EQTN: variants seen among roughly 807,000 people sequenced by gnomAD.
EQTN encodes the protein Acrosome formation associated factor.
In EQTN, 29 loss-of-function variants were observed where a neutral mutation model predicts 26.9. That is an observed-to-expected ratio of 1.08 (90% CI 0.80 to 1.47). The LOEUF (loss-of-function observed/expected upper bound fraction) is 1.47, where lower values mean the gene tolerates loss of function less well. EQTN is among the 40% of genes most tolerant of loss of function. The pLI is 0.00. For missense variants in EQTN, 391 were observed against 346.1 expected (o/e 1.13, Z -1.03); for synonymous variants, 129 against 120.0 (o/e 1.07, Z -0.49).
intron 4 of EQTN, among the ~76,000 whole-genome samples, chr9:27,291,463 C>G (rs527433118): frequency 4.2e-4 from 64 of 152,324 alleles, no homozygotes; most frequent in African/African-American, 1.5e-3. Context: ...CTCATTCCAG[C>G]CGTGAGCAAA....
intron 7 of EQTN, among the ~76,000 whole-genome samples, chr9:27,285,972 C>G (rs117732296): frequency 1.9e-4 from 29 of 152,302 alleles, no homozygotes; most frequent in Non-Finnish European, 3.1e-4. Flanking sequence ...TTCGCTTTAT[C>G]CTTTCCAATT....
At chr9:27,289,833 A>C in intron 5 of EQTN, 102 bp from the exon 6 acceptor site, 1 of 864,530 alleles carries the variant, frequency 1.2e-6, no homozygotes, top group Non-Finnish European at 1.8e-6. Flanking sequence ...GTGTGTGTAC[A>C]GTCTGTTCTC....
At chr9:27,286,081 G>T in intron 7 of EQTN, 128 bp downstream of exon 7, 2 of 942,602 alleles carry the variant, frequency 2.1e-6, no homozygotes, top group East Asian at 2.6e-5. Flanking sequence ...TAGGGTAAAT[G>T]GAATCAATTT....
intron 3 of EQTN, among the ~76,000 whole-genome samples, chr9:27,292,984 TA>T (rs1344113960): frequency 5.9e-5 from 9 of 152,196 alleles, no homozygotes; most frequent in African/African-American, 1.9e-4. Flanking sequence ...TAATTTAGTA[TA>T]TATCTCAGTC....
rs748267115 is a variant in EQTN, at chr9:27,292,381, C to T, written c.376+20G>A. On this transcript the variant is annotated intron_variant, in intron 4 of 7. Transcript: ENST00000380032. ...TAATGATATTCTCCAGGTATGAATACAGTGTAGTAATTTAAATACTTTGAA... is the reference window on the plus strand; with the variant it reads ...TAATGATATTCTCCAGGTATGAATATAGTGTAGTAATTTAAATACTTTGAA... 1.7e-5 allele frequency: 25 copies of T among 1,474,942 alleles called. No homozygotes were observed. The highest frequency in any genetic ancestry group is 3.5e-4 in the Middle Eastern group (2 of 5,758). The allele number at this position is 1,474,942 out of a possible 1,614,324, so 91.4% of individuals were successfully genotyped here. A position where few individuals can be genotyped will look rare whatever the true frequency, so the allele number is the denominator to read the frequency against.
intron 4 of EQTN, among the ~76,000 whole-genome samples, chr9:27,291,782 G>A (rs1820239625): frequency 6.6e-6 from 1 of 152,116 alleles, no homozygotes; most frequent in Non-Finnish European, 1.5e-5. Context: ...AAACATACTT[G>A]GATTGCATAA....
chr9:27,286,428 T>A, intron 6 of EQTN, 66 bp from the exon 7 acceptor site: 1 of 1,484,706 alleles, frequency 6.7e-7, no homozygotes, highest in Non-Finnish European at 9.1e-7. Context: ...GAGTAAAGAT[T>A]GCAAAGCAAA....
chr9:27,291,193 C>T (rs574222207), intron 4 of EQTN, 130 bp from the exon 5 acceptor site: 20 of 725,420 alleles, frequency 2.8e-5, no homozygotes, highest in Non-Finnish European at 4.3e-5. Flanking sequence ...ATGTGTCAGA[C>T]CTGTGGTTGG....
chr9:27,295,800 C>G (rs377129969), intron 2 of EQTN, among the ~76,000 whole-genome samples: 22 of 132,934 alleles, frequency 1.7e-4, no homozygotes, highest in East Asian at 1.1e-3. Context: ...CCACTGCACT[C>G]CAGCCTGGGC....
intron 3 of EQTN, among the ~76,000 whole-genome samples, chr9:27,292,809 G>T (rs905666828): frequency 1.3e-5 from 2 of 152,196 alleles, no homozygotes; most frequent in Non-Finnish European, 2.9e-5. Context: ...GCTCCAGATG[G>T]TTCCCTGCAC....
In EQTN at chr9:27,284,989, C is replaced by T. The variant is rs1391217896; in HGVS notation, c.636-17G>A. On this transcript the variant is annotated splice_polypyrimidine_tract_variant and intron_variant, in intron 7 of 7. Coordinates refer to ENST00000380032, the MANE Select transcript of EQTN (RefSeq NM_020641.3). The stretch of plus-strand genomic sequence containing the variant: ...CTTTTATAACTGAAGAAGAAAAGAA[C>T]ATATATCAAGAATTGTTTTTAATTG... The T allele has an allele frequency of 1.3e-6, 2 of 1,598,882 alleles. No individual in the cohort carries two copies. Among genetic ancestry groups the T allele is most frequent in the South Asian group, 1.1e-5 (1 of 88,336 alleles).
intron 2 of EQTN, among the ~76,000 whole-genome samples, chr9:27,295,831 CAAAAAAAAAAAA>C (rs67401588): frequency 1.4e-5 from 1 of 69,298 alleles, no homozygotes; most frequent in South Asian, 7.2e-4. Flanking sequence ...GACTCCGTCT[CAAAAAAAAAAAA>C]AAAAAAAAAA....
intron 6 of EQTN, among the ~76,000 whole-genome samples, chr9:27,286,770 C>T (rs1027913282): frequency 2.6e-5 from 4 of 152,078 alleles, no homozygotes; most frequent in African/African-American, 9.7e-5. Context: ...ACACAAGGGA[C>T]CAGTCTTTCA....
At chr9:27,294,774 C>A (rs927573324) in intron 2 of EQTN, among the ~76,000 whole-genome samples, 2 of 152,104 alleles carry the variant, frequency 1.3e-5, no homozygotes, top group Non-Finnish European at 2.9e-5. Context: ...TGCCCTTGAA[C>A]CTTCTGTTAG....
chr9:27,295,984 ATCT>A (rs1384894787), intron 2 of EQTN, among the ~76,000 whole-genome samples: 1 of 152,148 alleles, frequency 6.6e-6, no homozygotes, highest in Non-Finnish European at 1.5e-5. Context: ...AAAACTTGAA[ATCT>A]TCTCAGTTAT....
In EQTN at chr9:27,284,868, G is replaced by A. The variant is rs533884600; in HGVS notation, c.740C>T (p.Ala247Val). 100 of 1,614,076 alleles carry A rather than the reference G, an allele frequency of 6.2e-5. No homozygotes were observed. The South Asian group carries it at 1.1e-3, about 17-fold the overall frequency. The change falls in exon 8 of 8, where the codon GCA (alanine) becomes GTA (valine). Residue 247 changes from alanine to valine, a missense_variant. Physicochemically the swap from Ala to Val is moderately conservative, Grantham distance 64 (BLOSUM62 0). Coordinates refer to ENST00000380032, the MANE Select transcript of EQTN (RefSeq NM_020641.3). ...GVSDTSFSKS[A>V]ESSTFLGTTS... ...GGTACCCAAAAATGTGCTGCTCTCT[G>A]CACTCTTGGAAAAGGATGTATCTGA... is the stretch of plus-strand genomic sequence containing the variant.
intron 7 of EQTN, among the ~76,000 whole-genome samples, chr9:27,285,311 T>G (rs1820097944): frequency 6.6e-6 from 1 of 151,884 alleles, no homozygotes; most frequent in African/African-American, 2.4e-5. Flanking sequence ...GCCCAGCTAA[T>G]TTTTGTATTT....
intron 6 of EQTN, among the ~76,000 whole-genome samples, chr9:27,287,326 G>T (rs991991130): frequency 5.3e-5 from 8 of 152,154 alleles, no homozygotes; most frequent in African/African-American, 1.9e-4. Context: ...CTCTTTTAAT[G>T]CTTCGAGGCC....
At position 27,291,026 on chromosome 9, in the gene EQTN, T is replaced by C; in HGVS notation, c.414A>G (p.Leu138=). The C allele has an allele frequency of 6.2e-7, 1 of 1,612,210 alleles. No homozygotes were observed. Among genetic ancestry groups the C allele is most frequent in the Non-Finnish European group, 8.5e-7 (1 of 1,179,474 alleles). The change falls in exon 5 of 8, where the codon TTA becomes TTG. Residue 138 remains leucine, a synonymous_variant. Transcript: ENST00000380032. ...CTAGCTGTATGACTTTACCTTTAGC[T>C]AACATTGTCCAAAATGCAGGCACGT... ...TPNVPAFWTM[L]AKAINGTAVV...
Sources: allele counts gnomAD v4.1 joint callset (sites outside exome capture counted in the v4.1 genomes callset), GRCh38; gene constraint gnomAD v4.1.1; transcripts MANE v1.5; gene names NCBI Gene and HGNC (gene_info 2026-07-23, HGNC 2026-07-21).